Variants in MAP2K5 observed in about 807,000 individuals in gnomAD.
MAP2K5 encodes the protein dual specificity mitogen-activated protein kinase kinase 5.
In MAP2K5, 49 loss-of-function variants were observed where a neutral mutation model predicts 83.1. The observed-to-expected ratio is 0.59, with a 90% CI of 0.47 to 0.75. MAP2K5 has a LOEUF of 0.75. Ranked by LOEUF, MAP2K5 falls within the 30% of genes least tolerant of loss-of-function variation. The pLI is 0.00. For synonymous variants in MAP2K5, 202 were observed against 191.8 expected (o/e 1.05, Z -0.44); for missense variants, 457 against 557.5 (o/e 0.82, Z 1.82).
rs984674860 is a variant in MAP2K5, at chr15:67,634,592, T to C, written c.585+3665T>C. Among the ~76,000 whole-genome samples the C allele has an allele frequency of 4.7e-4, 72 of 152,062 alleles. 1 individual carries two copies. Among genetic ancestry groups the C allele is most frequent in the Non-Finnish European group, 1.2e-4 (8 of 68,002 alleles). On this transcript the variant is annotated intron_variant, in intron 9 of 21. Coordinates refer to ENST00000178640, the MANE Select transcript of MAP2K5 (RefSeq NM_145160.3). ...TACAGTTCTGTTATTTTTTACTTAA[T>C]GTTTTTTGAAGATATATTCTTAGGT...
intron 8 of MAP2K5, among the ~76,000 whole-genome samples, chr15:67,605,260 G>A (rs996471881): frequency 2.0e-5 from 3 of 151,766 alleles, no homozygotes; most frequent in African/African-American, 7.3e-5. Flanking sequence ...TCACCATGTT[G>A]GCCAGGATGG....
chr15:67,573,923 A>G lies in MAP2K5; in HGVS notation c.253-6831A>G, dbSNP rs971097522. ...TTTTGCTTTGTTATTTTACATATAAACAAACATTGTACATAAGGTAGATGT... is the reference window on the plus strand; with the variant it reads ...TTTTGCTTTGTTATTTTACATATAAGCAAACATTGTACATAAGGTAGATGT... On this transcript the variant is annotated intron_variant, in intron 3 of 21. Coordinates refer to ENST00000178640, the MANE Select transcript of MAP2K5 (RefSeq NM_145160.3). The surrounding 1 kb of genome is among the most constrained non-coding windows in gnomAD (Gnocchi z 4.2). Among the ~76,000 whole-genome samples, 5 of 152,202 alleles carry G rather than the reference A, an allele frequency of 3.3e-5. No homozygotes were observed. Among genetic ancestry groups the G allele is most frequent in the African/African-American group, 9.7e-5 (4 of 41,450 alleles).
intron 16 of MAP2K5, among the ~76,000 whole-genome samples, chr15:67,711,784 G>A (rs2088697937): frequency 6.6e-6 from 1 of 152,214 alleles, no homozygotes; most frequent in African/African-American, 2.4e-5. Context: ...GCAGGGCTGA[G>A]AATACAAGCA....
rs992084893 is a variant in MAP2K5, at chr15:67,628,008, T to A, written c.546-2880T>A. The A allele has an allele frequency of 5.4e-6, 4 of 741,520 alleles. No homozygotes were observed. The African/African-American group carries it at 7.0e-5, about 13-fold the overall frequency. The allele number at this position is 741,520 out of a possible 1,614,324, so 45.9% of individuals were successfully genotyped here. On this transcript the variant is annotated intron_variant, in intron 8 of 21. Transcript: ENST00000178640. ...AATGAGAGATCCAAGCACCAAGTGC[T>A]CCTGGGGCTTTGGGTTTGTCACATA...
In MAP2K5 at chr15:67,592,982, TTATTATA is replaced by T; in HGVS notation, c.480+14_480+20del. On this transcript the variant is annotated intron_variant, in intron 7 of 21. Coordinates refer to ENST00000178640, the MANE Select transcript of MAP2K5 (RefSeq NM_145160.3). ...ATACTAGCCAATGGCCAGGTAGGTA[TTATTATA>T]TATTAAGATTTTCACATAATAATAA... The T allele has an allele frequency of 6.4e-7, 1 of 1,555,940 alleles. No individual in the cohort carries two copies. Among genetic ancestry groups the T allele is most frequent in the Non-Finnish European group, 8.8e-7 (1 of 1,133,002 alleles).
At chr15:67,730,605 G>A (rs77496529) in intron 17 of MAP2K5, among the ~76,000 whole-genome samples, 2,629 of 152,276 alleles carry the variant, frequency 0.017, 89 homozygotes, top group African/African-American at 0.06. Context: ...GGTCAAAGCA[G>A]TGTTCTATTT....
Position 67,703,192 on chromosome 15 carries a change from T to C in MAP2K5, c.973-145T>C. ...TATATACTGTATGCACAAATACATA[T>C]ATACACACATGTAAAATTGTTTTGT... On this transcript the variant is annotated intron_variant, in intron 15 of 21. Coordinates refer to ENST00000178640, the MANE Select transcript of MAP2K5 (RefSeq NM_145160.3). 7 of 606,450 alleles carry C rather than the reference T, an allele frequency of 1.2e-5. No individual in the cohort carries two copies. The South Asian group carries it at 1.3e-4, about 12-fold the overall frequency. 37.6% of individuals were successfully genotyped at this position (606,450 alleles called of 1,614,324 possible).
At chr15:67,569,448 C>CAT (rs1411516808) in intron 3 of MAP2K5, among the ~76,000 whole-genome samples, 8 of 152,218 alleles carry the variant, frequency 5.3e-5, no homozygotes, top group Admixed American at 1.3e-4. Flanking sequence ...CAAATAATGA[C>CAT]ATGCTGCAAG....
At chr15:67,675,624 C>CTATGTA (rs2087658980) in intron 13 of MAP2K5, among the ~76,000 whole-genome samples, 1 of 152,182 alleles carries the variant, frequency 6.6e-6, no homozygotes, top group Non-Finnish European at 1.5e-5. Context: ...TGTATTATTT[C>CTATGTA]TTACCATTGT....
At chr15:67,545,507 CT>C (rs2084372186) in intron 1 of MAP2K5, among the ~76,000 whole-genome samples, 1 of 152,156 alleles carries the variant, frequency 6.6e-6, no homozygotes, top group Non-Finnish European at 1.5e-5. Flanking sequence ...AACAGGGAAA[CT>C]TGTACCTTCC....
chr15:67,693,468 T>C (rs766693310), intron 14 of MAP2K5, 50 bp from the exon 15 acceptor site: 1 of 1,439,830 alleles, frequency 6.9e-7, no homozygotes, highest in South Asian at 1.2e-5. Flanking sequence ...TTGCCCATTT[T>C]ATTTCCACAT....
At chr15:67,670,355 G>C (rs954590252) in intron 13 of MAP2K5, 1 of 453,474 alleles carries the variant, frequency 2.2e-6, no homozygotes, top group Non-Finnish European at 4.4e-6. Flanking sequence ...GGAACATTTT[G>C]GTATGTTGGA....
intron 1 of MAP2K5, chr15:67,549,023 C>A: frequency 6.9e-7 from 1 of 1,455,620 alleles, no homozygotes; most frequent in South Asian, 1.5e-5. Flanking sequence ...CTGCTAAGTG[C>A]CCTGCTTGGA....
Position 67,758,226 on chromosome 15 carries a change from A to C in MAP2K5, c.1134+9625A>C, listed in dbSNP as rs2089878045. Among the ~76,000 whole-genome samples the C allele has an allele frequency of 6.6e-6, 1 of 152,126 alleles. No individual in the cohort carries two copies. Among genetic ancestry groups the C allele is most frequent in the Admixed American group, 6.5e-5 (1 of 15,278 alleles). On this transcript the variant is annotated intron_variant, in intron 19 of 21. Coordinates refer to ENST00000178640, the MANE Select transcript of MAP2K5 (RefSeq NM_145160.3). This position sits in a 1 kb window ranked among gnomAD's most constrained non-coding sequence, Gnocchi z 4.7. ...GAAATTGGAGGGGTTTAATCAGGAC[A>C]GCCTTAGCATGTTTGAAGGGTATTT...
chr15:67,616,429 A>G (rs2141055970), intron 8 of MAP2K5, among the ~76,000 whole-genome samples: 1 of 152,306 alleles, frequency 6.6e-6, no homozygotes, highest in South Asian at 2.1e-4. Flanking sequence ...ATCAGATCTC[A>G]GAGAGCTTTC....
chr15:67,658,725 C>T (rs1285894397), intron 12 of MAP2K5, 111 bp downstream of exon 12: 1 of 909,356 alleles, frequency 1.1e-6, no homozygotes, highest in Non-Finnish European at 1.8e-6. Context: ...CCAGTTGGCT[C>T]CTAAGACCTT....
In MAP2K5 at chr15:67,644,484, T is replaced by TA. The variant is rs942658251; in HGVS notation, c.586-1740dup. On this transcript the variant is annotated intron_variant, in intron 9 of 21. Transcript: ENST00000178640. The surrounding 1 kb of genome is among the most constrained non-coding windows in gnomAD (Gnocchi z 4.6). ...ATTTGAACAGTATGGTCTTCTTTCTTAAAAAAATATGTGTTTGAAATAAAC... is the reference window on the plus strand; with the variant it reads ...ATTTGAACAGTATGGTCTTCTTTCTTAAAAAAAATATGTGTTTGAAATAAAC... Among the ~76,000 whole-genome samples, 15 of 152,152 alleles carry TA rather than the reference T, an allele frequency of 9.9e-5. No individual in the cohort carries two copies. Among genetic ancestry groups the TA allele is most frequent in the Admixed American group, 3.9e-4 (6 of 15,270 alleles).
chr15:67,737,238 G>T (rs973148823), intron 17 of MAP2K5, among the ~76,000 whole-genome samples: 1 of 152,158 alleles, frequency 6.6e-6, no homozygotes, highest in Non-Finnish European at 1.5e-5. Context: ...ATGGATCCCT[G>T]GGGGGAGAAT....
chr15:67,728,900 C>T (rs374269296), intron 17 of MAP2K5, among the ~76,000 whole-genome samples: 83 of 152,266 alleles, frequency 5.5e-4, no homozygotes, highest in African/African-American at 1.9e-3. Flanking sequence ...GCAAATTCTC[C>T]TGGTACCAAT....
Sources: gnomAD v4.1 joint callset for allele counts (sites outside exome capture counted in the v4.1 genomes callset) on GRCh38, gnomAD v4.1.1 for gene constraint, Gnocchi (gnomAD v3.1) non-coding constraint, MANE v1.5 for transcripts, NCBI Gene and HGNC (gene_info 2026-07-23, HGNC 2026-07-21) for gene names.